SPAG16: variants seen among roughly 807,000 people sequenced by gnomAD.
SPAG16 encodes sperm associated antigen 16.
A neutral mutation model predicts 80.4 loss-of-function variants in SPAG16; 86 were observed. The ratio of observed to expected loss-of-function variants is 1.07; its 90% CI spans 0.90 to 1.28. The LOEUF is 1.28. Among genes scored for constraint, SPAG16 ranks in the 50% most tolerant of loss-of-function variants. The pLI, the probability that SPAG16 is intolerant of heterozygous loss-of-function variation, is 0.00. For synonymous variants in SPAG16, 294 were observed against 265.9 expected (o/e 1.11, Z -1.03); for missense variants, 870 against 765.3 (o/e 1.14, Z -1.61).
At chr2:213,511,919 ATACTT>A (rs2075241239) in intron 10 of SPAG16, among the ~76,000 whole-genome samples, 1 of 152,062 alleles carries the variant, frequency 6.6e-6, no homozygotes, top group Non-Finnish European at 1.5e-5. Flanking sequence ...TGCACTCACA[ATACTT>A]TAGTTTTGAG....
intron 13 of SPAG16, among the ~76,000 whole-genome samples, chr2:214,034,602 C>G (rs149059113): frequency 2.0e-5 from 3 of 152,236 alleles, no homozygotes; most frequent in Non-Finnish European, 4.4e-5. Context: ...GGCACGCTGG[C>G]TGCAGCGGGG....
chr2:213,871,583 C>G (rs1034612488), intron 11 of SPAG16, among the ~76,000 whole-genome samples: 1 of 151,900 alleles, frequency 6.6e-6, no homozygotes, highest in Non-Finnish European at 1.5e-5. Flanking sequence ...GGTCTAATCT[C>G]TTGCATCTGG....
intron 12 of SPAG16, among the ~76,000 whole-genome samples, chr2:213,996,220 C>A (rs962982722): frequency 6.6e-6 from 1 of 152,144 alleles, no homozygotes; most frequent in Non-Finnish European, 1.5e-5. Context: ...GAATCTCACA[C>A]ATTTATGTCA....
chr2:214,303,062 T>C (rs1694673493), intron 15 of SPAG16, among the ~76,000 whole-genome samples: 1 of 152,222 alleles, frequency 6.6e-6, no homozygotes, highest in Non-Finnish European at 1.5e-5. Flanking sequence ...GGTCTTTTGT[T>C]TTTTGTAATT....
Position 213,521,880 on chromosome 2 carries a change from T to C in SPAG16, c.1070+31790T>C, listed in dbSNP as rs541413292. 4.6e-5 allele frequency among the ~76,000 whole-genome samples: 7 copies of C among 152,320 alleles called. No individual in the cohort carries two copies. In the East Asian group the frequency reaches 1.4e-3, roughly 29 times the overall value. On this transcript the variant is annotated intron_variant, in intron 10 of 15. Coordinates refer to ENST00000331683, the MANE Select transcript of SPAG16 (RefSeq NM_024532.5). ...TACAAAGTAAATTATTGTTTATGCT[T>C]TTCTGCGTGCCCTGGGAAGACTTGC...
chr2:213,808,816 A>G (rs912424851), intron 10 of SPAG16, among the ~76,000 whole-genome samples: 2 of 152,206 alleles, frequency 1.3e-5, no homozygotes, highest in East Asian at 1.9e-4. Flanking sequence ...AAAAGTGTCT[A>G]ATGATCTAAG....
At chr2:214,063,668 C>A (rs879389846) in intron 13 of SPAG16, among the ~76,000 whole-genome samples, 1 of 152,118 alleles carries the variant, frequency 6.6e-6, no homozygotes, top group African/African-American at 2.4e-5. Flanking sequence ...AGTAACACAG[C>A]CTTTGCATCA....
At chr2:213,618,994 CAA>C (rs1304545416) in intron 10 of SPAG16, among the ~76,000 whole-genome samples, 1 of 152,078 alleles carries the variant, frequency 6.6e-6, no homozygotes, top group Non-Finnish European at 1.5e-5. Context: ...TATTTTAAAA[CAA>C]GTTTTATTTT....
chr2:213,423,062 G>C (rs1338483089), intron 9 of SPAG16, among the ~76,000 whole-genome samples: 1 of 152,214 alleles, frequency 6.6e-6, no homozygotes, highest in African/African-American at 2.4e-5. Context: ...AAGTCAGACA[G>C]AAGTGTAAGG....
Position 213,498,164 on chromosome 2 carries a change from T to A in SPAG16, c.1070+8074T>A, listed in dbSNP as rs186614968. Among the ~76,000 whole-genome samples, 28 of 152,280 alleles carry A rather than the reference T, an allele frequency of 1.8e-4. No individual in the cohort carries two copies. The East Asian group carries it at 3.9e-3, about 21-fold the overall frequency. On this transcript the variant is annotated intron_variant, in intron 10 of 15. Coordinates refer to ENST00000331683, the MANE Select transcript of SPAG16 (RefSeq NM_024532.5). ...AAAGGTGGCAAGACATGGTGAAGTA[T>A]GAGCAATCAGTAGTTTTGATTTAGG...
At chr2:213,597,586 C>T (rs1368198774) in intron 10 of SPAG16, among the ~76,000 whole-genome samples, 2 of 151,990 alleles carry the variant, frequency 1.3e-5, no homozygotes, top group African/African-American at 4.8e-5. Flanking sequence ...ATTATAATTT[C>T]TTTTTTTGCT....
At chr2:213,536,535 A>G (rs1326051468) in intron 10 of SPAG16, among the ~76,000 whole-genome samples, 1 of 152,076 alleles carries the variant, frequency 6.6e-6, no homozygotes, top group East Asian at 1.9e-4. Flanking sequence ...CTGGTGTCAG[A>G]TGGTATCTCA....
intron 14 of SPAG16, among the ~76,000 whole-genome samples, chr2:214,129,694 T>A (rs970113700): frequency 2.0e-5 from 3 of 152,080 alleles, no homozygotes; most frequent in African/African-American, 7.2e-5. Flanking sequence ...CTTAGACAAA[T>A]CCCTTAATTT....
chr2:213,454,315 T>C (rs2125587433), intron 9 of SPAG16, among the ~76,000 whole-genome samples: 1 of 152,336 alleles, frequency 6.6e-6, no homozygotes, highest in South Asian at 2.1e-4. Context: ...CTTACCCAAA[T>C]TCTAACACTA....
At chr2:213,320,308 T>C (rs1296250142) in intron 5 of SPAG16, among the ~76,000 whole-genome samples, 1 of 152,034 alleles carries the variant, frequency 6.6e-6, no homozygotes, top group Non-Finnish European at 1.5e-5. Flanking sequence ...ATATGATAAT[T>C]GTACATGTGT....
intron 10 of SPAG16, among the ~76,000 whole-genome samples, chr2:213,716,957 T>C (rs1169465353): frequency 7.2e-5 from 11 of 152,160 alleles, no homozygotes. Context: ...CATCCTTTGG[T>C]TCATAGTTTG....
chr2:213,698,959 G>A (rs1432762105), intron 10 of SPAG16, among the ~76,000 whole-genome samples: 1 of 152,148 alleles, frequency 6.6e-6, no homozygotes, highest in Non-Finnish European at 1.5e-5. Flanking sequence ...CTGGCATATA[G>A]GGGGTTAATA....
At chr2:213,905,568 T>C (rs906997505) in intron 11 of SPAG16, among the ~76,000 whole-genome samples, 6 of 152,212 alleles carry the variant, frequency 3.9e-5, no homozygotes, top group Admixed American at 2.6e-4. Flanking sequence ...CAGCTGTTTA[T>C]TGGGAGTCTC....
intron 15 of SPAG16, among the ~76,000 whole-genome samples, chr2:214,378,541 C>A (rs1026560999): frequency 5.3e-5 from 8 of 152,154 alleles, no homozygotes; most frequent in Admixed American, 1.3e-4. Context: ...TAAATTTGTC[C>A]TTGTTCACTT....
Sources: allele counts gnomAD v4.1 joint callset (sites outside exome capture counted in the v4.1 genomes callset), GRCh38; gene constraint gnomAD v4.1.1; transcripts MANE v1.5; gene names NCBI Gene and HGNC (gene_info 2026-07-23, HGNC 2026-07-21).